Variants in TRHDE observed in about 807,000 individuals in gnomAD.
TRHDE encodes the protein thyrotropin releasing hormone degrading enzyme, also known as thyrotropin-releasing hormone-degrading ectoenzyme.
Under a neutral mutation model 125.7 loss-of-function variants are expected in TRHDE, and 72 were observed. That is an observed-to-expected ratio of 0.57 (90% confidence interval 0.47 to 0.70). TRHDE has a LOEUF of 0.70. Ranked by LOEUF, TRHDE falls within the 30% of genes least tolerant of loss-of-function variation. The pLI, the probability that TRHDE is intolerant of heterozygous loss-of-function variation, is 0.00. For missense variants in TRHDE, 1,110 were observed against 1,327.1 expected (o/e 0.84, Z 2.54); for synonymous variants, 509 against 509.1 (o/e 1.00, Z 0.00).
chr12:72,141,527 G>C (rs1876111779), intron 2 of TRHDE, among the ~76,000 whole-genome samples: 1 of 152,100 alleles, frequency 6.6e-6, no homozygotes, highest in South Asian at 2.1e-4. Flanking sequence ...TTGTGGTTAT[G>C]GTTTCTACTC....
intron 2 of TRHDE, among the ~76,000 whole-genome samples, chr12:72,216,261 GTAGT>G (rs1203988376): frequency 5.9e-5 from 9 of 152,170 alleles, no homozygotes; most frequent in African/African-American, 2.2e-4. Flanking sequence ...GAATTCATGT[GTAGT>G]TACTAAAGCA....
At chr12:72,447,316 A>T (rs1483248847) in intron 3 of TRHDE, among the ~76,000 whole-genome samples, 3 of 152,174 alleles carry the variant, frequency 2.0e-5, no homozygotes, top group African/African-American at 7.2e-5. Flanking sequence ...CTTGGAAACC[A>T]ATGAGAACAA....
intron 3 of TRHDE, among the ~76,000 whole-genome samples, chr12:72,440,115 G>A (rs896610344): frequency 6.6e-6 from 1 of 151,892 alleles, no homozygotes; most frequent in African/African-American, 2.4e-5. Flanking sequence ...AATCCCACTC[G>A]ATAATGGGCA....
intron 2 of TRHDE, among the ~76,000 whole-genome samples, chr12:72,371,457 T>C (rs1253138399): frequency 6.6e-6 from 1 of 151,756 alleles, no homozygotes. Context: ...TAGTTATATA[T>C]GTATACATGT....
At position 72,272,699 on chromosome 12, in the gene TRHDE, A is replaced by AGAC. The variant is rs1565678974; in HGVS notation, c.56_57insGAC (p.Lys19_Lys20insThr). The AGAC allele has an allele frequency of 7.3e-7, 1 of 1,372,500 alleles. No individual in the cohort carries two copies. The highest frequency in any genetic ancestry group is 1.5e-5 in the African/African-American group (1 of 64,894). The allele number at this position is 1,372,500 out of a possible 1,614,324, so 85.0% of individuals were successfully genotyped here. A position where few individuals can be genotyped will look rare whatever the true frequency, so the allele number is the denominator to read the frequency against. ...GAGGAGGAGAAGAAAAAGAAGAAGA[A>AGAC]AAAGAAGAGGAAGAAGAAGAAGGAG... On this transcript the variant is annotated inframe_insertion, in exon 1 of 19. Coordinates refer to ENST00000261180, the MANE Select transcript of TRHDE (RefSeq NM_013381.3). The surrounding 1 kb of genome is among the most constrained non-coding windows in gnomAD (Gnocchi z 6.7).
intron 3 of TRHDE, among the ~76,000 whole-genome samples, chr12:72,431,401 G>T (rs1448734188): frequency 6.6e-6 from 1 of 152,046 alleles, no homozygotes; most frequent in Admixed American, 6.6e-5. Context: ...AATTTAACAG[G>T]TTTATCTGTG....
intron 2 of TRHDE, among the ~76,000 whole-genome samples, chr12:72,370,960 C>A (rs1282274530): frequency 6.6e-6 from 1 of 152,084 alleles, no homozygotes; most frequent in Non-Finnish European, 1.5e-5. Flanking sequence ...CCATGCGGGT[C>A]TCGAAATCCT....
intron 2 of TRHDE, among the ~76,000 whole-genome samples, chr12:72,246,038 CACAA>C (rs1223423375): frequency 2.0e-5 from 3 of 152,112 alleles, no homozygotes; most frequent in Non-Finnish European, 4.4e-5. Flanking sequence ...CTCTCTTAGT[CACAA>C]ACAATGTTGT....
intron 2 of TRHDE, among the ~76,000 whole-genome samples, chr12:72,205,644 G>GT (rs1331992236): frequency 2.6e-5 from 4 of 152,064 alleles, no homozygotes; most frequent in African/African-American, 9.7e-5. Flanking sequence ...TTCACTTAAC[G>GT]TAATATCTTC....
intron 2 of TRHDE, among the ~76,000 whole-genome samples, chr12:72,337,672 AT>A (rs1682135069): frequency 1.3e-5 from 2 of 151,644 alleles, no homozygotes; most frequent in Non-Finnish European, 2.9e-5. Flanking sequence ...GTGCTCTGTG[AT>A]TTATCTGCAT....
chr12:72,242,270 C>T (rs574110492), intron 2 of TRHDE, among the ~76,000 whole-genome samples: 6 of 152,290 alleles, frequency 3.9e-5, no homozygotes, highest in African/African-American at 1.2e-4. Flanking sequence ...TCCCTCTTCT[C>T]CACTGTCTCC....
chr12:72,248,417 C>CAA (rs34434650), intron 2 of TRHDE, among the ~76,000 whole-genome samples: 2,784 of 54,738 alleles, frequency 0.051, 244 homozygotes, highest in African/African-American at 0.096. Flanking sequence ...GACTCTGTCT[C>CAA]AAAAAAAAAA....
At chr12:72,147,884 A>G (rs1876265093) in intron 2 of TRHDE, 1 of 152,272 alleles carries the variant, frequency 6.6e-6, no homozygotes, top group Admixed American at 6.5e-5. Context: ...TTTCCAAGGT[A>G]TGCGCTCAGC....
chr12:72,390,698 A>G (rs1872583794), intron 3 of TRHDE, among the ~76,000 whole-genome samples: 1 of 152,126 alleles, frequency 6.6e-6, no homozygotes, highest in South Asian at 2.1e-4. Flanking sequence ...TTGTAAAGAC[A>G]CTCCATGATT....
intron 10 of TRHDE, among the ~76,000 whole-genome samples, chr12:72,573,700 C>T (rs956030028): frequency 6.6e-6 from 1 of 151,862 alleles, no homozygotes; most frequent in African/African-American, 2.4e-5. Flanking sequence ...TTTTCCAGTG[C>T]CATTTTCTCC....
intron 3 of TRHDE, among the ~76,000 whole-genome samples, chr12:72,416,204 A>G (rs1873724601): frequency 6.6e-6 from 1 of 152,038 alleles, no homozygotes; most frequent in African/African-American, 2.4e-5. Flanking sequence ...CTTTTGAGAA[A>G]TGTCTATTCA....
intron 2 of TRHDE, among the ~76,000 whole-genome samples, chr12:72,212,985 G>A (rs1442353454): frequency 6.6e-6 from 1 of 152,014 alleles, no homozygotes; most frequent in Admixed American, 6.6e-5. Flanking sequence ...CCATACAGTG[G>A]GATATTATTT....
At chr12:72,548,661 A>AT (rs1241027709) in intron 7 of TRHDE, among the ~76,000 whole-genome samples, 3 of 151,398 alleles carry the variant, frequency 2.0e-5, no homozygotes, top group Admixed American at 1.3e-4. Context: ...CCCTAATTAC[A>AT]TTTTTTTCAG....
At chr12:72,179,186 A>G (rs1455684704) in intron 2 of TRHDE, among the ~76,000 whole-genome samples, 1 of 152,158 alleles carries the variant, frequency 6.6e-6, no homozygotes, top group Non-Finnish European at 1.5e-5. Flanking sequence ...TGCAGGATAT[A>G]TCGTGAGTAA....
Sources: gnomAD v4.1 joint callset for allele counts (sites outside exome capture counted in the v4.1 genomes callset) on GRCh38, gnomAD v4.1.1 for gene constraint, Gnocchi (gnomAD v3.1) non-coding constraint, MANE v1.5 for transcripts, NCBI Gene and HGNC (gene_info 2026-07-23, HGNC 2026-07-21) for gene names.